The following CNOT2 variants were observed in gnomAD, a reference collection of about 807,000 sequenced individuals.
CNOT2 encodes CC chemokine receptor 4-negative regulator of transcription 2.
Under a neutral mutation model 72.1 loss-of-function variants are expected in CNOT2, and 7 were observed. That is an observed-to-expected ratio of 0.10 (90% confidence interval 0.06 to 0.18). CNOT2 has a LOEUF of 0.18. Ranked by LOEUF, CNOT2 falls within the 10% of genes least tolerant of loss-of-function variation. The pLI, the probability that CNOT2 is intolerant of heterozygous loss-of-function variation, is 1.00. For synonymous variants in CNOT2, 196 were observed against 225.6 expected (o/e 0.87, Z 1.17); for missense variants, 345 against 660.3 (o/e 0.52, Z 5.23).
At chr12:70,305,514 AT>A (rs888739244) in intron 2 of CNOT2, among the ~76,000 whole-genome samples, 1 of 152,190 alleles carries the variant, frequency 6.6e-6, no homozygotes, top group African/African-American at 2.4e-5. Context: ...GATATAAATA[AT>A]TTCAATAAAT....
intron 11 of CNOT2, among the ~76,000 whole-genome samples, chr12:70,340,826 A>G (rs974133058): frequency 2.0e-5 from 3 of 149,834 alleles, no homozygotes; most frequent in Non-Finnish European, 3.0e-5. Flanking sequence ...TTTTTAATAC[A>G]TTACTCCTCT....
intron 2 of CNOT2, among the ~76,000 whole-genome samples, chr12:70,306,019 C>G (rs925559758): frequency 6.6e-6 from 1 of 151,712 alleles, no homozygotes; most frequent in Admixed American, 6.6e-5. Context: ...GAGGAATATA[C>G]TGGGAAAATC....
At chr12:70,305,067 G>A (rs80054770) in intron 2 of CNOT2, among the ~76,000 whole-genome samples, 21,966 of 152,164 alleles carry the variant, frequency 0.14, 1,928 homozygotes, top group Admixed American at 0.28. Flanking sequence ...GGTGCCATTC[G>A]TCACCCCTTT....
At chr12:70,266,339 C>CTGA (rs1348500771) in intron 1 of CNOT2, among the ~76,000 whole-genome samples, 2 of 152,106 alleles carry the variant, frequency 1.3e-5, no homozygotes, top group East Asian at 3.9e-4. Context: ...GTCAGACTTG[C>CTGA]CTCAAACTCC....
intron 2 of CNOT2, among the ~76,000 whole-genome samples, chr12:70,295,476 C>G (rs945100150): frequency 2.6e-5 from 4 of 152,086 alleles, no homozygotes; most frequent in Non-Finnish European, 5.9e-5. Context: ...CCCTCTTTAT[C>G]AGACCCATCT....
intron 1 of CNOT2, among the ~76,000 whole-genome samples, chr12:70,248,825 A>T (rs1395749232): frequency 6.6e-6 from 1 of 152,042 alleles, no homozygotes; most frequent in Non-Finnish European, 1.5e-5. Context: ...ATGATCCAGT[A>T]CTCAGGACAC....
At chr12:70,308,555 T>TTCTTTCTCTCTC (rs1555199527) in intron 2 of CNOT2, among the ~76,000 whole-genome samples, 1,373 of 133,858 alleles carry the variant, frequency 0.01, 11 homozygotes, top group East Asian at 0.03. Context: ...TTGGTATATT[T>TTCTTTCTCTCTC]TCTCTCTCTC....
chr12:70,326,014 A>G (rs1457162089), intron 4 of CNOT2, among the ~76,000 whole-genome samples: 1 of 151,584 alleles, frequency 6.6e-6, no homozygotes, highest in East Asian at 1.9e-4. Flanking sequence ...GTGCAGTGGA[A>G]ATAATTAATG....
intron 2 of CNOT2, among the ~76,000 whole-genome samples, chr12:70,306,856 A>G (rs531672625): frequency 6.6e-6 from 1 of 152,368 alleles, no homozygotes; most frequent in South Asian, 2.1e-4. Context: ...AATGTGGACC[A>G]TACTTAAACA....
At chr12:70,255,608 C>T (rs904050790) in intron 1 of CNOT2, among the ~76,000 whole-genome samples, 2 of 152,068 alleles carry the variant, frequency 1.3e-5, no homozygotes, top group African/African-American at 4.8e-5. Flanking sequence ...CTTTTACTAT[C>T]ATCCTTGTAA....
chr12:70,315,747 G>T (rs912184999), intron 3 of CNOT2, among the ~76,000 whole-genome samples: 14 of 152,094 alleles, frequency 9.2e-5, no homozygotes, highest in African/African-American at 3.1e-4. Context: ...TGATTATTAT[G>T]ATGATTTTAG....
chr12:70,319,452 TG>T, intron 4 of CNOT2, 88 bp downstream of exon 4: 1 of 1,271,824 alleles, frequency 7.9e-7, no homozygotes, highest in South Asian at 1.3e-5. Context: ...ACTTCCTTTG[TG>T]GGTTTATTGT....
chr12:70,329,453 G>A lies in CNOT2; in HGVS notation c.269G>A (p.Ser90Asn), dbSNP rs771989980. The A allele has an allele frequency of 6.4e-6, 9 of 1,409,412 alleles. No homozygotes were observed. The Admixed American group carries it at 6.7e-5, about 11-fold the overall frequency. The allele number at this position is 1,409,412 out of a possible 1,614,324, so 87.3% of individuals were successfully genotyped here. ...SALGLPMRGM[S>N]NNTPQLNRSL... Reference sequence around the variant, plus strand: ...CTAGGCCTTCCAATGAGGGGGATGAGCAACAATACCCCTCAGTTAAATCGC... The same window carrying A: ...CTAGGCCTTCCAATGAGGGGGATGAACAACAATACCCCTCAGTTAAATCGC... Residue 90 changes from serine to asparagine, a missense_variant, in exon 5 of 16, where the codon AGC becomes AAC. By Grantham distance (46) the Ser-to-Asn change is conservative. Transcript: ENST00000229195.
At chr12:70,299,781 T>G (rs1228234889) in intron 2 of CNOT2, among the ~76,000 whole-genome samples, 1 of 152,172 alleles carries the variant, frequency 6.6e-6, no homozygotes, top group African/African-American at 2.4e-5. Flanking sequence ...TAGTTCTAGA[T>G]CCCTGAGGAA....
chr12:70,344,960 T>G (rs2136076809), intron 14 of CNOT2: 1 of 152,322 alleles, frequency 6.6e-6, no homozygotes, highest in East Asian at 1.9e-4. Flanking sequence ...GAAGTGCTGA[T>G]TAAAGTCCAC....
intron 2 of CNOT2, among the ~76,000 whole-genome samples, chr12:70,299,503 T>C (rs1222576619): frequency 6.6e-6 from 1 of 152,016 alleles, no homozygotes; most frequent in Non-Finnish European, 1.5e-5. Flanking sequence ...GATAGTTTGC[T>C]GAGAATAATG....
chr12:70,337,034 T>C (rs908963718), intron 8 of CNOT2: 2 of 165,394 alleles, frequency 1.2e-5, no homozygotes, highest in Admixed American at 1.2e-4. Flanking sequence ...TGTTCATTTG[T>C]ATTTGAGAGT....
intron 1 of CNOT2, among the ~76,000 whole-genome samples, chr12:70,263,045 T>C (rs1234901515): frequency 6.6e-6 from 1 of 152,222 alleles, no homozygotes; most frequent in Non-Finnish European, 1.5e-5. Flanking sequence ...TTCATTGTTT[T>C]GAATATGTCA....
chr12:70,286,553 T>C (rs1249208267), intron 2 of CNOT2, among the ~76,000 whole-genome samples: 1 of 149,980 alleles, frequency 6.7e-6, no homozygotes, highest in Admixed American at 6.8e-5. Context: ...TAAATCAAGT[T>C]TCTCTTTATA....
Sources: allele counts gnomAD v4.1 joint callset (sites outside exome capture counted in the v4.1 genomes callset), GRCh38; gene constraint gnomAD v4.1.1; transcripts MANE v1.5; gene names NCBI Gene and HGNC (gene_info 2026-07-23, HGNC 2026-07-21).